FBN2: variants seen among roughly 807,000 people sequenced by gnomAD.
FBN2 encodes the protein fibrillin-2.
FBN2 carries 105 observed loss-of-function variants against 355.6 expected under a neutral mutation model. That is an observed-to-expected ratio of 0.30 (90% CI 0.25 to 0.35). FBN2 has a LOEUF of 0.35. FBN2 is among the 10% of genes least tolerant of loss of function. The pLI, the probability that FBN2 is intolerant of heterozygous loss-of-function variation, is 1.00. For synonymous variants in FBN2, 1,350 were observed against 1,301.2 expected (o/e 1.04, Z -0.81); for missense variants, 3,280 against 3,758.7 (o/e 0.87, Z 3.33).
intron 11 of FBN2, among the ~76,000 whole-genome samples, chr5:128,390,554 A>C (rs1182273678): frequency 1.3e-5 from 2 of 152,216 alleles, no homozygotes; most frequent in Non-Finnish European, 2.9e-5. Context: ...AATTAATAAT[A>C]ATCTTGGCCC....
intron 6 of FBN2, among the ~76,000 whole-genome samples, chr5:128,457,258 G>A (rs1278800954): frequency 1.3e-5 from 2 of 152,042 alleles, no homozygotes; most frequent in Admixed American, 1.3e-4. Context: ...AGAGAAAAAA[G>A]AATGAAAAGG....
Position 128,265,933 on chromosome 5 carries a change from G to A in FBN2, c.7961-2277C>T, listed in dbSNP as rs577993384. Among the ~76,000 whole-genome samples the A allele has an allele frequency of 2.2e-4, 34 of 152,226 alleles. 1 individual carries two copies. The highest frequency in any genetic ancestry group is 1.9e-3 in the Admixed American group (29 of 15,294). ...AGTGTTGACCACTGACGAGGATTCC[G>A]GGGGAAATCTGTCTGAAATGCTTCC... is the stretch of plus-strand genomic sequence containing the variant. On this transcript the variant is annotated intron_variant, in intron 62 of 64. Transcript: ENST00000262464.
intron 62 of FBN2, among the ~76,000 whole-genome samples, chr5:128,267,365 T>A (rs1373411039): frequency 6.6e-6 from 1 of 152,198 alleles, no homozygotes; most frequent in Non-Finnish European, 1.5e-5. Context: ...TCAAATGGTA[T>A]TTCTGGTTCT....
intron 20 of FBN2, among the ~76,000 whole-genome samples, chr5:128,354,919 C>T (rs1449273378): frequency 2.0e-5 from 3 of 152,076 alleles, no homozygotes; most frequent in Non-Finnish European, 4.4e-5. Context: ...AAGGTTGAGG[C>T]CTAGAATTTC....
chr5:128,311,255 T>C, intron 39 of FBN2, 45 bp downstream of exon 39: 1 of 1,611,862 alleles, frequency 6.2e-7, no homozygotes, highest in Non-Finnish European at 8.5e-7. Context: ...GCAGCCATTT[T>C]GTTTTAAACA....
At chr5:128,332,547 A>G (rs1750721206) in intron 32 of FBN2, among the ~76,000 whole-genome samples, 1 of 152,242 alleles carries the variant, frequency 6.6e-6, no homozygotes, top group Non-Finnish European at 1.5e-5. Context: ...AGGTTATCTG[A>G]AAAAACCTTT....
At chr5:128,441,286 C>T (rs1177274949) in intron 7 of FBN2, among the ~76,000 whole-genome samples, 1 of 152,196 alleles carries the variant, frequency 6.6e-6, no homozygotes, top group Non-Finnish European at 1.5e-5. Flanking sequence ...CACACTCTTA[C>T]TGCAACTGCT....
chr5:128,503,963 G>A (rs114900523), intron 5 of FBN2, among the ~76,000 whole-genome samples: 168 of 152,168 alleles, frequency 1.1e-3, no homozygotes, highest in African/African-American at 3.8e-3. Context: ...CTCAAACCCC[G>A]CTCTATGCAG....
At chr5:128,392,954 A>ACAATTTCCCAAATTC (rs1220146688) in intron 10 of FBN2, among the ~76,000 whole-genome samples, 181 bp downstream of exon 10, 1 of 152,184 alleles carries the variant, frequency 6.6e-6, no homozygotes, top group African/African-American at 2.4e-5. Flanking sequence ...ATTTAGTATT[A>ACAATTTCCCAAATTC]CTATGTATCA....
chr5:128,535,489 T>C (rs1323645038), intron 2 of FBN2, among the ~76,000 whole-genome samples: 1 of 152,198 alleles, frequency 6.6e-6, no homozygotes, highest in Admixed American at 6.5e-5. Flanking sequence ...GTGCTGTCTA[T>C]GATACCTGGC....
At chr5:128,270,624 T>C (rs1435372850) in intron 62 of FBN2, among the ~76,000 whole-genome samples, 2 of 152,126 alleles carry the variant, frequency 1.3e-5, no homozygotes, top group Non-Finnish European at 2.9e-5. Context: ...TCAAAAGAAA[T>C]TGCAACAAAA....
chr5:128,333,024 C>G lies in FBN2; in HGVS notation c.4110G>C (p.Glu1370Asp), dbSNP rs1205541313. The G allele has an allele frequency of 6.2e-7, 1 of 1,611,870 alleles. No homozygotes were observed. The highest frequency in any genetic ancestry group is 2.2e-5 in the East Asian group (1 of 44,860). Reference sequence around the variant, plus strand: ...CGCAGTTATGAGCACCAATTTCACACTCATCCACATCTGATAAACCATAAT... The same window carrying G: ...CGCAGTTATGAGCACCAATTTCACAGTCATCCACATCTGATAAACCATAAT... ...KGTTGCTDVD[E>D]CEIGAHNCDM... Residue 1370 changes from glutamate to aspartate, a missense_variant, in exon 32 of 65, where the codon GAG (glutamate) becomes GAC (aspartate). By Grantham distance (45) the Glu-to-Asp change is conservative (BLOSUM62 2). Transcript: ENST00000262464.
At chr5:128,445,060 T>C (rs529120006) in intron 7 of FBN2, among the ~76,000 whole-genome samples, 14 of 152,308 alleles carry the variant, frequency 9.2e-5, no homozygotes, top group Admixed American at 8.5e-4. Context: ...TTTGGTCTAA[T>C]GTGGGTGCTT....
At chr5:128,262,576 A>C (rs1486500681) in intron 63 of FBN2, among the ~76,000 whole-genome samples, 1 of 152,214 alleles carries the variant, frequency 6.6e-6, no homozygotes, top group African/African-American at 2.4e-5. Flanking sequence ...TGCTGCTTGC[A>C]ACAAAGCTCC....
rs576619319 is a variant in FBN2 at position 128,400,978 on chromosome 5, C to T, written c.1079-5704G>A. Among the ~76,000 whole-genome samples, 586 of 152,184 alleles carry T rather than the reference C, an allele frequency of 3.9e-3. 1 individual carries two copies. The highest frequency in any genetic ancestry group is 0.013 in the South Asian group (63 of 4,804). ...GTCTCACAAGATCTGATGGGTTTATCGGTGGTTTCTGCTTTTGCTTCTTCC... is the reference window on the plus strand; with the variant it reads ...GTCTCACAAGATCTGATGGGTTTATTGGTGGTTTCTGCTTTTGCTTCTTCC... On this transcript the variant is annotated intron_variant, in intron 8 of 64. Transcript: ENST00000262464.
At chr5:128,353,009 C>T (rs1036357370) in intron 20 of FBN2, among the ~76,000 whole-genome samples, 9 of 151,786 alleles carry the variant, frequency 5.9e-5, no homozygotes, top group African/African-American at 2.2e-4. Context: ...CCCGTCTCTA[C>T]AAAAAACACA....
chr5:128,413,211 T>C (rs1380354594), intron 7 of FBN2, among the ~76,000 whole-genome samples: 2 of 152,156 alleles, frequency 1.3e-5, no homozygotes. Context: ...AGTATAAGGA[T>C]TGCCTTTGAA....
In FBN2 at chr5:128,494,950, T is replaced by C. The variant is rs1755615032; in HGVS notation, c.628+24323A>G. Reference sequence around the variant, plus strand: ...AAAAAAGCAAGCAACAGAAATGTCCTTAGAGAGAACTCAGGACCAGCCTTA... The same window carrying C: ...AAAAAAGCAAGCAACAGAAATGTCCCTAGAGAGAACTCAGGACCAGCCTTA... On this transcript the variant is annotated intron_variant, in intron 5 of 64. Coordinates refer to ENST00000262464, the MANE Select transcript of FBN2 (RefSeq NM_001999.4). Among the ~76,000 whole-genome samples, 3 of 152,160 alleles carry C rather than the reference T, an allele frequency of 2.0e-5. No homozygotes were observed. In the South Asian group the frequency reaches 6.2e-4, roughly 32 times the overall value.
intron 48 of FBN2, among the ~76,000 whole-genome samples, chr5:128,292,561 T>G (rs1749354784): frequency 6.6e-6 from 1 of 151,924 alleles, no homozygotes; most frequent in African/African-American, 2.4e-5. Flanking sequence ...ATCACATCCC[T>G]TCTATAAAAC....
Sources: allele counts gnomAD v4.1 joint callset (sites outside exome capture counted in the v4.1 genomes callset), GRCh38; gene constraint gnomAD v4.1.1; transcripts MANE v1.5; gene names NCBI Gene and HGNC (gene_info 2026-07-23, HGNC 2026-07-21).